Variants in CCDC169 observed in about 807,000 individuals in gnomAD.
CCDC169 encodes coiled-coil domain containing 169, also known as coiled-coil domain-containing protein 169.
Under a neutral mutation model 36.0 loss-of-function variants are expected in CCDC169, and 30 were observed. That is an observed-to-expected ratio of 0.83 (90% CI 0.62 to 1.13). The LOEUF is 1.13. Ranked by LOEUF, CCDC169 falls within the 50% of genes most tolerant of loss-of-function variation. The probability of loss-of-function intolerance (pLI) is 0.00; values close to 1 mark genes in which losing one functional copy is unlikely to be tolerated. For missense variants in CCDC169, 245 were observed against 245.9 expected (o/e 1.00, Z 0.03); for synonymous variants, 85 against 81.5 (o/e 1.04, Z -0.23).
At chr13:36,281,058 T>A (rs550741151) in intron 4 of CCDC169, 9 of 320,838 alleles carry the variant, frequency 2.8e-5, no homozygotes, top group Non-Finnish European at 4.8e-5. Context: ...GTGACCGGCT[T>A]TCACCTTTAC....
At chr13:36,294,815 C>A (rs576719304) in intron 2 of CCDC169, among the ~76,000 whole-genome samples, 2 of 152,060 alleles carry the variant, frequency 1.3e-5, no homozygotes, top group Admixed American at 1.3e-4. Flanking sequence ...TAGAACAGAA[C>A]AGAACAGGAC....
intron 4 of CCDC169, among the ~76,000 whole-genome samples, chr13:36,273,655 A>G (rs1014105631): frequency 1.3e-5 from 2 of 152,346 alleles, no homozygotes; most frequent in South Asian, 4.1e-4. Context: ...TGTGAATTCT[A>G]AAATAGATCA....
intron 7 of CCDC169, among the ~76,000 whole-genome samples, chr13:36,242,093 C>G (rs952898101): frequency 1.3e-5 from 2 of 152,184 alleles, no homozygotes; most frequent in South Asian, 4.1e-4. Flanking sequence ...TCCTACACAG[C>G]TTGCGGGACT....
chr13:36,259,767 A>C (rs1426893247), intron 4 of CCDC169, among the ~76,000 whole-genome samples: 1 of 152,214 alleles, frequency 6.6e-6, no homozygotes, highest in Admixed American at 6.5e-5. Context: ...CAAAGGTTGA[A>C]GTTTTCCTTT....
intron 7 of CCDC169, among the ~76,000 whole-genome samples, chr13:36,235,519 C>G (rs532332562): frequency 7.9e-5 from 12 of 151,872 alleles, no homozygotes; most frequent in Admixed American, 7.2e-4. Context: ...TTACAGCTAA[C>G]ATTATATTTA....
intron 4 of CCDC169, among the ~76,000 whole-genome samples, chr13:36,269,602 T>G (rs548091927): frequency 6.6e-6 from 1 of 152,318 alleles, no homozygotes; most frequent in South Asian, 2.1e-4. Flanking sequence ...ATTCCAGGGA[T>G]GCAAGGATGA....
intron 4 of CCDC169, among the ~76,000 whole-genome samples, chr13:36,279,521 C>CT (rs980989423): frequency 6.6e-6 from 1 of 152,138 alleles, no homozygotes; most frequent in Non-Finnish European, 1.5e-5. Flanking sequence ...GGTTCTCAAA[C>CT]TTTTTTATTA....
chr13:36,253,669 G>T, intron 6 of CCDC169, 134 bp downstream of exon 6: 2 of 1,042,364 alleles, frequency 1.9e-6, no homozygotes, highest in Non-Finnish European at 2.7e-6. Flanking sequence ...ATATTTTCCT[G>T]TCTACCCTCC....
intron 4 of CCDC169, among the ~76,000 whole-genome samples, chr13:36,271,780 G>A (rs1472306238): frequency 6.6e-6 from 1 of 151,666 alleles, no homozygotes; most frequent in Non-Finnish European, 1.5e-5. Context: ...GGGAAGGAAG[G>A]GATAAAAAAA....
At chr13:36,276,174 C>A (rs1876795729) in intron 4 of CCDC169, among the ~76,000 whole-genome samples, 1 of 152,114 alleles carries the variant, frequency 6.6e-6, no homozygotes, top group African/African-American at 2.4e-5. Context: ...GCAGGGAGAC[C>A]AATCTACCTA....
downstream of CCDC169, among the ~76,000 whole-genome samples, chr13:36,230,065 T>C (rs1374190273): frequency 1.3e-5 from 2 of 152,218 alleles, no homozygotes; most frequent in Non-Finnish European, 1.5e-5. Context: ...TAAAATATTT[T>C]TGGCTACATG....
chr13:36,267,890 T>C (rs1875538881), intron 4 of CCDC169, among the ~76,000 whole-genome samples: 1 of 151,904 alleles, frequency 6.6e-6, no homozygotes, highest in South Asian at 2.1e-4. Context: ...AAGGATCAAT[T>C]CAACAAGAAG....
chr13:36,291,323 T>C (rs1489937397), intron 2 of CCDC169, among the ~76,000 whole-genome samples: 3 of 152,224 alleles, frequency 2.0e-5, no homozygotes, highest in Non-Finnish European at 4.4e-5. Flanking sequence ...GTTTCCTGTA[T>C]GAAATCTCTT....
At chr13:36,232,845 C>T (rs559047461) in intron 7 of CCDC169, among the ~76,000 whole-genome samples, 68 of 152,028 alleles carry the variant, frequency 4.5e-4, no homozygotes, top group African/African-American at 1.3e-3. Context: ...TGCAGTGAGC[C>T]GAGATCAGCC....
At chr13:36,297,264 A>G (rs1458505656) in intron 1 of CCDC169, among the ~76,000 whole-genome samples, 2 of 152,290 alleles carry the variant, frequency 1.3e-5, no homozygotes, top group African/African-American at 4.8e-5. Flanking sequence ...AAGGGATGAA[A>G]GAAAAAAAAA....
At chr13:36,256,186 G>A (rs1351808052) in intron 4 of CCDC169, among the ~76,000 whole-genome samples, 7 of 152,164 alleles carry the variant, frequency 4.6e-5, no homozygotes, top group South Asian at 2.1e-4. Context: ...TGTGAGGGAC[G>A]TGATTTGCAT....
intron 4 of CCDC169, among the ~76,000 whole-genome samples, chr13:36,255,233 G>A (rs1873716164): frequency 6.6e-6 from 1 of 152,078 alleles, no homozygotes; most frequent in Admixed American, 6.5e-5. Flanking sequence ...CTCTGGTCGG[G>A]GTCCAGGCAG....
intron 4 of CCDC169, among the ~76,000 whole-genome samples, chr13:36,272,694 G>A (rs760969682): frequency 3.9e-5 from 6 of 152,114 alleles, no homozygotes; most frequent in Non-Finnish European, 7.4e-5. Context: ...CAGGAGAAGA[G>A]AGCTGAGAGT....
In CCDC169 at chr13:36,295,830, T is replaced by A. The variant is rs1234590677; in HGVS notation, c.111A>T (p.Glu37Asp). Reference sequence around the variant, plus strand: ...CCAGTTCCGTAATCTTGTGTCTTAGTTCAAATATTGAGAGTTGCACTGCAT... The same window carrying A: ...CCAGTTCCGTAATCTTGTGTCTTAGATCAAATATTGAGAGTTGCACTGCAT... ...KKDAVQLSIF[E>D]LRHKITELEA... is the part of the protein sequence containing the mutation. The change falls in exon 2 of 8, where the codon GAA (glutamate) becomes GAT (aspartate). Residue 37 changes from glutamate (E) to aspartate (D), a missense_variant. Glu to Asp is a conservative substitution (Grantham distance 45). Transcript: ENST00000239859. 3 of 1,543,928 alleles carry A rather than the reference T, an allele frequency of 1.9e-6. No individual in the cohort carries two copies. The highest frequency in any genetic ancestry group is 2.5e-5 in the East Asian group (1 of 40,658).
Sources: allele counts gnomAD v4.1 joint callset (sites outside exome capture counted in the v4.1 genomes callset), GRCh38; gene constraint gnomAD v4.1.1; transcripts MANE v1.5; gene names NCBI Gene and HGNC (gene_info 2026-07-23, HGNC 2026-07-21).